Variants in NUP88 observed in about 807,000 individuals in gnomAD.
NUP88 encodes nucleoporin 88.
In NUP88, 57 loss-of-function variants were observed where a neutral mutation model predicts 93.9. That is an observed-to-expected ratio of 0.61 (90% CI 0.49 to 0.76). The LOEUF is 0.76. Among genes scored for constraint, NUP88 ranks in the 30% least tolerant of loss-of-function variants. The probability of loss-of-function intolerance (pLI) is 0.00; values close to 1 mark genes in which losing one functional copy is unlikely to be tolerated. For missense variants in NUP88, 911 were observed against 901.0 expected (o/e 1.01, Z -0.14); for synonymous variants, 346 against 336.8 (o/e 1.03, Z -0.30).
At chr17:5,418,931 C>T (rs1476419237) in intron 1 of NUP88, among the ~76,000 whole-genome samples, 1 of 152,132 alleles carries the variant, frequency 6.6e-6, no homozygotes, top group Non-Finnish European at 1.5e-5. Flanking sequence ...CTTCCTCCTC[C>T]ATGTCAAGCA....
At position 5,408,786 on chromosome 17, in the gene NUP88, G is replaced by A. The variant is rs1183875272; in HGVS notation, c.804C>T (p.Tyr268=). The A allele has an allele frequency of 3.7e-6, 6 of 1,613,782 alleles. No individual in the cohort carries two copies. Among genetic ancestry groups the A allele is most frequent in the Admixed American group, 1.7e-5 (1 of 59,938 alleles). The change falls in exon 5 of 17, where the codon TAC becomes TAT. Residue 268 remains tyrosine (Y), a synonymous_variant. Coordinates refer to ENST00000573584, the MANE Select transcript of NUP88 (RefSeq NM_002532.6). ...AAGTCTCTCCATTTTCATATAAGAT[G>A]TACAGTGGGTATGCCACTACTTCAT... The part of the protein sequence containing the change: ...GKDEVVAYPL[Y]ILYENGETFL...
intron 6 of NUP88, among the ~76,000 whole-genome samples, 186 bp from the exon 7 acceptor site, chr17:5,404,432 C>A (rs182546326): frequency 4.6e-5 from 7 of 151,942 alleles, no homozygotes; most frequent in Non-Finnish European, 8.8e-5. Context: ...GGCCAACATA[C>A]TGAAACCCTG....
chr17:5,387,582 T>G (rs759828198), intron 13 of NUP88, 23 bp downstream of exon 13: 1 of 1,606,778 alleles, frequency 6.2e-7, no homozygotes, highest in South Asian at 1.1e-5. Context: ...ACCTATTGTA[T>G]TCTTCTTATT....
intron 4 of NUP88, 113 bp from the exon 5 acceptor site, chr17:5,409,022 T>C (rs765870078): frequency 7.5e-5 from 65 of 865,494 alleles, no homozygotes; most frequent in Non-Finnish European, 1.1e-4. Flanking sequence ...TGGGTATGTA[T>C]GGAATTTGTA....
chr17:5,408,941 A>AAACAAAAAC, intron 4 of NUP88, 32 bp from the exon 5 acceptor site: 1 of 1,498,858 alleles, frequency 6.7e-7, no homozygotes, highest in Non-Finnish European at 8.9e-7. Context: ...AACTTGTTAA[A>AAACAAAAAC]AACAAAAACA....
In NUP88 at chr17:5,419,480, C is replaced by T. The variant is rs1268653523; in HGVS notation, c.171G>A (p.Thr57=). The T allele has an allele frequency of 1.9e-6, 3 of 1,613,960 alleles. No homozygotes were observed. The highest frequency in any genetic ancestry group is 2.5e-6 in the Non-Finnish European group (3 of 1,179,986). Residue 57 remains threonine, a synonymous_variant, in exon 1 of 17, where the codon ACG becomes ACA. Coordinates refer to ENST00000573584, the MANE Select transcript of NUP88 (RefSeq NM_002532.6). ...LPSSPPPQLL[T]RNVVFGLGGE... ...CGCCGAGGCCAAAGACCACGTTTCT[C>T]GTCAGCAACTGCGGCGGCGGCGACG...
At chr17:5,415,628 G>A (rs1914091708) in intron 2 of NUP88, among the ~76,000 whole-genome samples, 1 of 152,108 alleles carries the variant, frequency 6.6e-6, no homozygotes, top group Non-Finnish European at 1.5e-5. Flanking sequence ...CATAAACTGA[G>A]GAGCTCCTTA....
At position 5,405,200 on chromosome 17, in the gene NUP88, G is replaced by A. The variant is rs764261967; in HGVS notation, c.901C>T (p.Pro301Ser). ...GKLLGPLPMHPAAEDNYGYDA... is the reference protein window; with the variant it reads ...GKLLGPLPMHSAAEDNYGYDA... Reference sequence around the variant, plus strand: ...TAACCATAGTTATCTTCAGCCGCAGGATGCATGGGCAATGGACCCAACAGC... The same window carrying A: ...TAACCATAGTTATCTTCAGCCGCAGAATGCATGGGCAATGGACCCAACAGC... Residue 301 changes from proline (P) to serine (S), a missense_variant, in exon 6 of 17, where the codon CCT becomes TCT. Pro to Ser is a moderately conservative substitution (Grantham distance 74). Transcript: ENST00000573584. 6.2e-7 allele frequency: 1 copy of A among 1,614,068 alleles called. No homozygotes were observed. The highest frequency in any genetic ancestry group is 1.7e-5 in the Admixed American group (1 of 60,008).
Position 5,404,093 on chromosome 17 carries a change from G to T in NUP88, c.1192+6C>A. On this transcript the variant is annotated splice_donor_region_variant and intron_variant, in intron 7 of 16. Coordinates refer to ENST00000573584, the MANE Select transcript of NUP88 (RefSeq NM_002532.6). Reference sequence around the variant, plus strand: ...AAAAAAGCACTACATTTATTGAAGAGCTTACCTCTATGAAGTTTGACTGGA... The same window carrying T: ...AAAAAAGCACTACATTTATTGAAGATCTTACCTCTATGAAGTTTGACTGGA... 1 of 1,613,412 alleles carries T rather than the reference G, an allele frequency of 6.2e-7. No individual in the cohort carries two copies. Among genetic ancestry groups the T allele is most frequent in the Non-Finnish European group, 8.5e-7 (1 of 1,179,462 alleles).
At chr17:5,409,609 A>C (rs1913709559) in intron 4 of NUP88, among the ~76,000 whole-genome samples, 1 of 152,108 alleles carries the variant, frequency 6.6e-6, no homozygotes, top group African/African-American at 2.4e-5. Flanking sequence ...CAAAGCACCT[A>C]CTCTGTGCCA....
chr17:5,419,623 C>A lies in NUP88; in HGVS notation c.28G>T (p.Asp10Tyr). ...AGCCAGGTCTGCCACAGCTCGCCGTCGCCCACCGGTCCCTCGGCGGCCGCC... is the reference window on the plus strand; with the variant it reads ...AGCCAGGTCTGCCACAGCTCGCCGTAGCCCACCGGTCCCTCGGCGGCCGCC... MAAAEGPVGDGELWQTWLPN... is the reference protein window; with the variant it reads MAAAEGPVGYGELWQTWLPN... Residue 10 changes from aspartate to tyrosine, a missense_variant, in exon 1 of 17, where the codon GAC becomes TAC. Transcript: ENST00000573584. The A allele has an allele frequency of 1.9e-6, 3 of 1,595,452 alleles. No homozygotes were observed. The highest frequency in any genetic ancestry group is 1.1e-5 in the South Asian group (1 of 90,832).
chr17:5,391,421 C>G (rs1029428530), intron 10 of NUP88, 140 bp downstream of exon 10: 12 of 633,432 alleles, frequency 1.9e-5, no homozygotes, highest in Admixed American at 1.5e-4. Context: ...ACAGAAATAT[C>G]CATCCTTCCA....
intron 9 of NUP88, among the ~76,000 whole-genome samples, chr17:5,393,285 A>G (rs1441775182): frequency 6.8e-6 from 1 of 147,094 alleles, no homozygotes; most frequent in Non-Finnish European, 1.5e-5. Flanking sequence ...TTTTTTTGTA[A>G]AGGGTCTCAC....
Position 5,385,255 on chromosome 17 carries a change from G to A in NUP88, c.*951C>T. 8.7e-6 allele frequency: 2 copies of A among 230,652 alleles called. No homozygotes were observed. The highest frequency in any genetic ancestry group is 6.2e-5 in the East Asian group (1 of 16,170). The allele number at this position is 230,652 out of a possible 1,614,324, so 14.3% of individuals were successfully genotyped here. ...GGTAGGAAACAATTCTTTCAACTGGGTTTTCAGCATAAATGGGAACTGATG... is the reference window on the plus strand; with the variant it reads ...GGTAGGAAACAATTCTTTCAACTGGATTTTCAGCATAAATGGGAACTGATG... On this transcript the variant is annotated 3_prime_UTR_variant, in exon 17 of 17. Coordinates refer to ENST00000573584, the MANE Select transcript of NUP88 (RefSeq NM_002532.6).
chr17:5,407,039 G>C (rs566513804), intron 5 of NUP88, among the ~76,000 whole-genome samples: 2 of 152,274 alleles, frequency 1.3e-5, no homozygotes, highest in East Asian at 3.9e-4. Flanking sequence ...AGCAAGAGGA[G>C]AAAGGGTAAG....
At chr17:5,416,169 A>G (rs1268783810) in intron 2 of NUP88, among the ~76,000 whole-genome samples, 1 of 117,388 alleles carries the variant, frequency 8.5e-6, no homozygotes, top group Non-Finnish European at 1.8e-5. Context: ...AAAAAAAAGT[A>G]TATATATATA....
chr17:5,388,984 A>C, intron 10 of NUP88, 24 bp from the exon 11 acceptor site: 1 of 1,575,560 alleles, frequency 6.3e-7, no homozygotes. Flanking sequence ...AAGTAAATTG[A>C]ATTCTACCAT....
At chr17:5,416,180 T>TATATACAC (rs1374990658) in intron 2 of NUP88, among the ~76,000 whole-genome samples, 7 of 107,334 alleles carry the variant, frequency 6.5e-5, no homozygotes, top group African/African-American at 2.2e-4. Flanking sequence ...TATATATATA[T>TATATACAC]ACACACATAC....
chr17:5,409,374 CAAAAAAAAAAAA>C (rs10611297), intron 4 of NUP88, among the ~76,000 whole-genome samples: 1 of 99,824 alleles, frequency 1.0e-5, no homozygotes, highest in Non-Finnish European at 2.1e-5. Context: ...AACTCCGTCT[CAAAAAAAAAAAA>C]AAAAAAAAAA....
Sources: gnomAD v4.1 joint callset for allele counts (sites outside exome capture counted in the v4.1 genomes callset) on GRCh38, gnomAD v4.1.1 for gene constraint, MANE v1.5 for transcripts, NCBI Gene and HGNC (gene_info 2026-07-23, HGNC 2026-07-21) for gene names.